ZFPM2: variants seen among roughly 807,000 people sequenced by gnomAD.
ZFPM2 encodes zinc finger protein, FOG family member 2.
A neutral mutation model predicts 98.6 loss-of-function variants in ZFPM2; 20 were observed. That is an observed-to-expected ratio of 0.20 (90% CI 0.14 to 0.29). The LOEUF is 0.29. ZFPM2 is among the 10% of genes least tolerant of loss of function. The pLI is 1.00. For synonymous variants in ZFPM2, 518 were observed against 502.7 expected, an observed-to-expected ratio of 1.03 and a Z score of -0.41; for missense variants, 1,310 against 1,388.6, an observed-to-expected ratio of 0.94 and a Z score of 0.90.
At chr8:105,452,844 C>T (rs1429954124) in intron 3 of ZFPM2, among the ~76,000 whole-genome samples, 1 of 152,086 alleles carries the variant, frequency 6.6e-6, no homozygotes, top group Admixed American at 6.6e-5. Context: ...AGATTATTGG[C>T]ATTGATTTCC....
intron 1 of ZFPM2, among the ~76,000 whole-genome samples, chr8:105,331,400 G>C (rs1471939652): frequency 2.0e-5 from 3 of 151,472 alleles, no homozygotes; most frequent in Non-Finnish European, 4.4e-5. Context: ...CTCTTGGTTT[G>C]GAAGTTTTCA....
chr8:105,648,927 A>G (rs536706105), intron 5 of ZFPM2, among the ~76,000 whole-genome samples: 2 of 152,292 alleles, frequency 1.3e-5, no homozygotes, highest in East Asian at 3.9e-4. Context: ...AGTCATTGGT[A>G]GCTTGATGGG....
chr8:105,359,190 C>T (rs1374360610), intron 1 of ZFPM2, among the ~76,000 whole-genome samples: 2 of 151,940 alleles, frequency 1.3e-5, no homozygotes, highest in African/African-American at 2.4e-5. Context: ...TCCCCATGCT[C>T]GACTTCTCTC....
chr8:105,689,392 A>G (rs556094880), intron 5 of ZFPM2, among the ~76,000 whole-genome samples: 2 of 152,334 alleles, frequency 1.3e-5, no homozygotes, highest in South Asian at 4.1e-4. Flanking sequence ...TATTATTACA[A>G]TACACTCCAG....
chr8:105,360,179 T>C (rs182551810), intron 1 of ZFPM2, among the ~76,000 whole-genome samples: 30 of 152,332 alleles, frequency 2.0e-4, no homozygotes, highest in Admixed American at 9.1e-4. Context: ...AGAAGTTGTC[T>C]CTGTACCGAA....
At chr8:105,492,662 A>G (rs1417617698) in intron 3 of ZFPM2, among the ~76,000 whole-genome samples, 1 of 152,158 alleles carries the variant, frequency 6.6e-6, no homozygotes, top group Non-Finnish European at 1.5e-5. Flanking sequence ...TCAAGGAAGT[A>G]ATTATATTCA....
At chr8:105,669,246 A>G (rs996750436) in intron 5 of ZFPM2, among the ~76,000 whole-genome samples, 1 of 152,014 alleles carries the variant, frequency 6.6e-6, no homozygotes, top group African/African-American at 2.4e-5. Flanking sequence ...ATACATATAT[A>G]CGTAATGTCT....
intron 3 of ZFPM2, among the ~76,000 whole-genome samples, chr8:105,557,612 G>T (rs1276628686): frequency 6.6e-6 from 1 of 151,950 alleles, no homozygotes; most frequent in Non-Finnish European, 1.5e-5. Flanking sequence ...TTTATTTCAT[G>T]GATTCATCCA....
chr8:105,758,848 G>A (rs988742), intron 5 of ZFPM2, among the ~76,000 whole-genome samples: 1 of 152,002 alleles, frequency 6.6e-6, no homozygotes, highest in South Asian at 2.1e-4. Context: ...TATTCATTTA[G>A]GAAGACATCC....
At chr8:105,446,210 G>A (rs1403028714) in intron 3 of ZFPM2, among the ~76,000 whole-genome samples, 1 of 152,138 alleles carries the variant, frequency 6.6e-6, no homozygotes, top group African/African-American at 2.4e-5. Context: ...GTGAGCTACC[G>A]TGCCCGGCGA....
At chr8:105,514,418 G>A (rs753367833) in intron 3 of ZFPM2, among the ~76,000 whole-genome samples, 13 of 145,834 alleles carry the variant, frequency 8.9e-5, no homozygotes, top group African/African-American at 3.0e-4. Flanking sequence ...AGTGTCTAAT[G>A]TATACATGTA....
intron 1 of ZFPM2, among the ~76,000 whole-genome samples, chr8:105,413,314 T>C (rs943098716): frequency 3.3e-5 from 5 of 151,726 alleles, no homozygotes; most frequent in Non-Finnish European, 5.9e-5. Flanking sequence ...TTTTAACTCC[T>C]TTTACCTATC....
chr8:105,731,156 C>T (rs1811926720), intron 5 of ZFPM2, among the ~76,000 whole-genome samples: 1 of 151,684 alleles, frequency 6.6e-6, no homozygotes, highest in Non-Finnish European at 1.5e-5. Flanking sequence ...GGGCAAACTC[C>T]AGTGACCTGA....
chr8:105,661,485 G>A (rs1437711102), intron 5 of ZFPM2, among the ~76,000 whole-genome samples: 1 of 152,108 alleles, frequency 6.6e-6, no homozygotes, highest in African/African-American at 2.4e-5. Flanking sequence ...TAATGTTCTT[G>A]ATAAGGAGGA....
intron 4 of ZFPM2, among the ~76,000 whole-genome samples, chr8:105,620,150 A>G (rs1458566400): frequency 6.6e-6 from 1 of 152,180 alleles, no homozygotes; most frequent in Non-Finnish European, 1.5e-5. Context: ...TCCCACCAAC[A>G]GTGTAAAAGT....
chr8:105,429,800 CTT>C lies in ZFPM2; in HGVS notation c.199+10501_199+10502del, dbSNP rs200751728. Among the ~76,000 whole-genome samples, 1,369 of 151,638 alleles carry C rather than the reference CTT, an allele frequency of 9.0e-3. 10 individuals carry two copies. Among genetic ancestry groups the C allele is most frequent in the Non-Finnish European group, 0.015 (1,045 of 67,976 alleles). The stretch of plus-strand genomic sequence containing the variant: ...CAATATTGGCAGTTGTGCTGGGTGA[CTT>C]TTAAGGTGCCCCTAAAAATATCAAA... On this transcript the variant is annotated intron_variant, in intron 2 of 7. Coordinates refer to ENST00000407775, the MANE Select transcript of ZFPM2 (RefSeq NM_012082.4).
At chr8:105,781,980 A>G (rs1813265322) in intron 5 of ZFPM2, among the ~76,000 whole-genome samples, 1 of 152,154 alleles carries the variant, frequency 6.6e-6, no homozygotes, top group Non-Finnish European at 1.5e-5. Context: ...TTTTTCACAT[A>G]AAATCTGCCT....
chr8:105,441,456 A>AGAGAGAGAGAGAG (rs1563659915), intron 2 of ZFPM2, among the ~76,000 whole-genome samples: 3 of 46,126 alleles, frequency 6.5e-5, no homozygotes, highest in African/African-American at 4.0e-4. Context: ...GAGAGAGAGA[A>AGAGAGAGAGAGAG]AGAAAGAAAG....
chr8:105,693,885 A>G (rs1169007464), intron 5 of ZFPM2, among the ~76,000 whole-genome samples: 1 of 151,250 alleles, frequency 6.6e-6, no homozygotes, highest in Admixed American at 6.6e-5. Context: ...CAAACATTTT[A>G]TTATTTGTGT....
Sources: gnomAD v4.1 joint callset for allele counts (sites outside exome capture counted in the v4.1 genomes callset) on GRCh38, gnomAD v4.1.1 for gene constraint, MANE v1.5 for transcripts, NCBI Gene and HGNC (gene_info 2026-07-23, HGNC 2026-07-21) for gene names.